ZNF892: variants seen among roughly 807,000 people sequenced by gnomAD.
ZNF892 encodes zinc finger protein 570-like.
chr2:95,242,533 A>G, the ZNF892 span, among the ~76,000 whole-genome samples: 1 of 152,260 alleles, frequency 6.6e-6, no homozygotes, highest in Non-Finnish European at 1.5e-5. Flanking sequence ...CGGCCACTAC[A>G]AAAACACACT....
the ZNF892 span, among the ~76,000 whole-genome samples, chr2:95,244,213 G>T: frequency 6.7e-6 from 1 of 149,242 alleles, no homozygotes; most frequent in East Asian, 2.0e-4. Flanking sequence ...GCGGAAGGCC[G>T]CAGGGTCCTC....
chr2:95,207,589 C>A, the ZNF892 span: 1 of 386,412 alleles, frequency 2.6e-6, no homozygotes, highest in East Asian at 3.7e-5. Context: ...TCGTCGGGCT[C>A]GGCTTCCTCA....
chr2:95,257,723 G>A, the ZNF892 span, among the ~76,000 whole-genome samples: 5 of 152,214 alleles, frequency 3.3e-5, no homozygotes, highest in African/African-American at 7.2e-5. Flanking sequence ...CACCTAGTTC[G>A]AGCTTCCCTG....
the ZNF892 span, among the ~76,000 whole-genome samples, chr2:95,262,701 CG>C: frequency 6.6e-6 from 1 of 152,110 alleles, no homozygotes; most frequent in African/African-American, 2.4e-5. Flanking sequence ...ATGGTGCTGC[CG>C]GGACAGCCCT....
the ZNF892 span, among the ~76,000 whole-genome samples, chr2:95,254,875 G>A: frequency 2.0e-5 from 3 of 152,304 alleles, no homozygotes; most frequent in East Asian, 3.9e-4. Flanking sequence ...GCATAGAGGT[G>A]TTTATAGTAT....
the ZNF892 span, among the ~76,000 whole-genome samples, chr2:95,253,409 T>C: frequency 6.6e-6 from 1 of 152,214 alleles, no homozygotes; most frequent in Non-Finnish European, 1.5e-5. Flanking sequence ...TGTGGCATTA[T>C]TTCTGAGGGT....
At chr2:95,216,242 CT>C in the ZNF892 span, among the ~76,000 whole-genome samples, 1 of 152,206 alleles carries the variant, frequency 6.6e-6, no homozygotes, top group Non-Finnish European at 1.5e-5. Flanking sequence ...TACCCTGCAA[CT>C]AAGGAATGTT....
the ZNF892 span, among the ~76,000 whole-genome samples, chr2:95,258,816 A>C: frequency 6.6e-6 from 1 of 152,144 alleles, no homozygotes; most frequent in African/African-American, 2.4e-5. Context: ...AGGGAGGGCA[A>C]ACCTTTTCCT....
chr2:95,243,648 G>A, the ZNF892 span, among the ~76,000 whole-genome samples: 15 of 151,576 alleles, frequency 9.9e-5, no homozygotes, highest in African/African-American at 2.4e-4. Context: ...GAGCCCCTCC[G>A]CCTGGCAGCC....
chr2:95,232,097 A>G, the ZNF892 span: 1 of 152,202 alleles, frequency 6.6e-6, no homozygotes, highest in African/African-American at 2.4e-5. Context: ...CAAATCCAAC[A>G]TGTAAGCTTC....
the ZNF892 span, among the ~76,000 whole-genome samples, chr2:95,210,063 C>G: frequency 1.4e-5 from 2 of 147,970 alleles, no homozygotes; most frequent in African/African-American, 4.9e-5. Flanking sequence ...ATTAACCGTT[C>G]GATTCATATA....
the ZNF892 span, among the ~76,000 whole-genome samples, chr2:95,218,312 A>T: frequency 6.6e-6 from 1 of 152,214 alleles, no homozygotes; most frequent in African/African-American, 2.4e-5. Context: ...TACTACAAGC[A>T]CTAAGGGGAC....
the ZNF892 span, chr2:95,231,951 C>T: frequency 3.3e-5 from 5 of 152,166 alleles, no homozygotes; most frequent in Non-Finnish European, 7.3e-5. Flanking sequence ...ATGACTCATA[C>T]TCATTCACCA....
At chr2:95,257,412 C>T in the ZNF892 span, among the ~76,000 whole-genome samples, 1 of 152,198 alleles carries the variant, frequency 6.6e-6, no homozygotes, top group African/African-American at 2.4e-5. Context: ...AATGTTGCTG[C>T]CTGATCATTC....
At chr2:95,248,748 A>T in the ZNF892 span, among the ~76,000 whole-genome samples, 3 of 152,096 alleles carry the variant, frequency 2.0e-5, no homozygotes, top group African/African-American at 7.2e-5. Context: ...GCCAGCTTTG[A>T]CCTTGCAACA....
the ZNF892 span, chr2:95,214,729 A>G: frequency 2.3e-6 from 1 of 429,716 alleles, no homozygotes; most frequent in African/African-American, 2.0e-5. Context: ...GCCTTCAGTT[A>G]CTACTCAGCT....
At chr2:95,235,636 C>T in the ZNF892 span, among the ~76,000 whole-genome samples, 1 of 152,214 alleles carries the variant, frequency 6.6e-6, no homozygotes, top group South Asian at 2.1e-4. Flanking sequence ...GCCAGGATTA[C>T]AGGCGTGAGC....
the ZNF892 span, among the ~76,000 whole-genome samples, chr2:95,258,017 G>A: frequency 5.2e-3 from 797 of 152,222 alleles, 8 homozygotes; most frequent in African/African-American, 0.018. Flanking sequence ...TGCGCTTCCC[G>A]GGTGAGGTGA....
chr2:95,239,247 C>T, the ZNF892 span, among the ~76,000 whole-genome samples: 1 of 151,810 alleles, frequency 6.6e-6, no homozygotes, highest in Admixed American at 6.6e-5. Flanking sequence ...TGTGGATGAG[C>T]AAAGGAAGTA....
Sources: gnomAD v4.1 joint callset for allele counts (sites outside exome capture counted in the v4.1 genomes callset) on GRCh38, gnomAD v4.1.1 for gene constraint, MANE v1.5 for transcripts, NCBI Gene and HGNC (gene_info 2026-07-23, HGNC 2026-07-21) for gene names.